The following TACSTD2 variants were observed in gnomAD, a reference collection of about 807,000 sequenced individuals.
TACSTD2 encodes tumor-associated calcium signal transducer 2.
A neutral mutation model predicts 7.9 loss-of-function variants in TACSTD2; 6 were observed. The ratio of observed to expected loss-of-function variants is 0.76; its 90% confidence interval spans 0.42 to 1.50. The LOEUF (loss-of-function observed/expected upper bound fraction) is 1.50. Ranked by LOEUF, TACSTD2 falls within the 40% of genes most tolerant of loss-of-function variation. The pLI is 0.01. For missense variants in TACSTD2, 511 were observed against 471.2 expected (o/e 1.08, Z -0.78); for synonymous variants, 220 against 225.5 (o/e 0.98, Z 0.22).
At position 58,576,191 on chromosome 1, in the gene TACSTD2, G is replaced by T; in HGVS notation, c.966C>A (p.Ser322Arg). Residue 322 changes from serine to arginine, a missense_variant, in exon 1 of 1, where the codon AGC (serine) becomes AGA (arginine). Ser to Arg is a moderately radical substitution (Grantham distance 110, BLOSUM62 -1). Transcript: ENST00000371225. The stretch of plus-strand genomic sequence containing the variant: ...CCCCTGCCCCGCCGGGTACCTACAA[G>T]CTCGGTTCCTTTCTCAACTCCCCCA... ...KELGELRKEP[S>R]L 6.2e-7 allele frequency: 1 copy of T among 1,613,978 alleles called. No individual in the cohort carries two copies. Among genetic ancestry groups the T allele is most frequent in the Non-Finnish European group, 8.5e-7 (1 of 1,179,994 alleles).
In TACSTD2 at chr1:58,576,824, CTCGGGGTCGCAG is replaced by C; in HGVS notation, c.321_332del (p.Asp107_Pro110del). 6.3e-7 allele frequency: 1 copy of C among 1,595,982 alleles called. No individual in the cohort carries two copies. The highest frequency in any genetic ancestry group is 8.5e-7 in the Non-Finnish European group (1 of 1,177,770). On this transcript the variant is annotated inframe_deletion, in exon 1 of 1. Coordinates refer to ENST00000371225, the MANE Select transcript of TACSTD2 (RefSeq NM_002353.3). ...TGCACTGGCGCGCCTTGAAGCGGCC[CTCGGGGTCGCAG>C]TCGGGGTCGTAGAGGCCATCGTTGT... is the stretch of plus-strand genomic sequence containing the variant.
In TACSTD2 at chr1:58,576,582, G is replaced by A. The variant is rs761334700; in HGVS notation, c.575C>T (p.Ala192Val). The change falls in exon 1 of 1, where the codon GCG becomes GTG. Residue 192 changes from alanine to valine, a missense_variant. Coordinates refer to ENST00000371225, the MANE Select transcript of TACSTD2 (RefSeq NM_002353.3). ...ERYRLHPKFV[A>V]AVHYEQPTIQ... The stretch of plus-strand genomic sequence containing the variant: ...GGTGGGCTGCTCGTAGTGCACGGCC[G>A]CCACGAACTTGGGGTGCAGCCGATA... 1.6e-5 allele frequency: 26 copies of A among 1,612,020 alleles called. No individual in the cohort carries two copies. In the African/African-American group the frequency reaches 2.3e-4, roughly 14 times the overall value.
Position 58,577,090 on chromosome 1 carries a change from C to G in TACSTD2, c.67G>C (p.Ala23Pro). Residue 23 changes from alanine to proline, a missense_variant, in exon 1 of 1, where the codon GCG becomes CCG. Coordinates refer to ENST00000371225, the MANE Select transcript of TACSTD2 (RefSeq NM_002353.3). ...TGCGCGGCCGTGTGGCCGGTCACCG[C>G]CGCCAGCACCAGCAGCAGCAGCGGC... ...RLPLLLLVLA[A>P]VTGHTAAQDN... 1 of 1,466,250 alleles carries G rather than the reference C, an allele frequency of 6.8e-7. No homozygotes were observed. Among genetic ancestry groups the G allele is most frequent in the African/African-American group, 1.5e-5 (1 of 67,516 alleles). 90.8% of individuals were successfully genotyped at this position (1,466,250 alleles called of 1,614,324 possible).
Position 58,576,615 on chromosome 1 carries a change from C to T in TACSTD2, c.542G>A (p.Arg181His), listed in dbSNP as rs201655334. Reference sequence around the variant, plus strand: ...CTTGGGGTGCAGCCGATAGCGCTCGCGGAAGAGCCGCCTCAGCTCGGCGTC... The same window carrying T: ...CTTGGGGTGCAGCCGATAGCGCTCGTGGAAGAGCCGCCTCAGCTCGGCGTC... ...DLDAELRRLFRERYRLHPKFV... is the reference protein window; with the variant it reads ...DLDAELRRLFHERYRLHPKFV... The change falls in exon 1 of 1, where the codon CGC becomes CAC. Residue 181 changes from arginine to histidine, a missense_variant. By Grantham distance (29) the Arg-to-His change is conservative (BLOSUM62 0). Coordinates refer to ENST00000371225, the MANE Select transcript of TACSTD2 (RefSeq NM_002353.3). 5.7e-5 allele frequency: 92 copies of T among 1,611,386 alleles called. No homozygotes were observed. The highest frequency in any genetic ancestry group is 5.2e-4 in the African/African-American group (39 of 74,982).
At position 58,576,504 on chromosome 1, in the gene TACSTD2, T is replaced by C. The variant is rs199753056; in HGVS notation, c.653A>G (p.Asp218Gly). The change falls in exon 1 of 1, where the codon GAT becomes GGT. Residue 218 changes from aspartate (D) to glycine (G), a missense_variant. Asp to Gly is a moderately conservative substitution (Grantham distance 94, BLOSUM62 -1). Transcript: ENST00000371225. ...GAAGTAGTAGGCGGCATCGCCGATA[T>C]CCACGTCACCGGCGGCCTTCTGAGA... ...NTSQKAAGDV[D>G]IGDAAYYFER... 19 of 1,613,072 alleles carry C rather than the reference T, an allele frequency of 1.2e-5. No individual in the cohort carries two copies. Among genetic ancestry groups the C allele is most frequent in the Admixed American group, 8.3e-5 (5 of 59,948 alleles).
At position 58,576,685 on chromosome 1, in the gene TACSTD2, G is replaced by C; in HGVS notation, c.472C>G (p.Leu158Val). 3.1e-6 allele frequency: 5 copies of C among 1,602,052 alleles called. No individual in the cohort carries two copies. The highest frequency in any genetic ancestry group is 4.2e-6 in the Non-Finnish European group (5 of 1,178,208). ...GCGCCGGCGGTGGGGCGGTGGCGCA[G>C]GTCAATGAGGATGTGGTGGGTGCGC... Reference protein sequence around the residue: ...LVRTHHILIDLRHRPTAGAFN... With the variant: ...LVRTHHILIDVRHRPTAGAFN... The change falls in exon 1 of 1, where the codon CTG becomes GTG. Residue 158 changes from leucine (L) to valine (V), a missense_variant. Coordinates refer to ENST00000371225, the MANE Select transcript of TACSTD2 (RefSeq NM_002353.3).
At position 58,576,309 on chromosome 1, in the gene TACSTD2, A is replaced by C; in HGVS notation, c.848T>G (p.Val283Gly). Residue 283 changes from valine (V) to glycine (G), a missense_variant, in exon 1 of 1, where the codon GTG (valine) becomes GGG (glycine). By Grantham distance (109) the Val-to-Gly change is moderately radical. Transcript: ENST00000371225. ...LTAGLIAVIVVVVVALVAGMA... is the reference protein window; with the variant it reads ...LTAGLIAVIVGVVVALVAGMA... ...GCCGGCGACGAGGGCCACCACGACC[A>C]CCACGATGACGGCGATGAGGCCGGC... 6.2e-7 allele frequency: 1 copy of C among 1,613,442 alleles called. No homozygotes were observed. Among genetic ancestry groups the C allele is most frequent in the Non-Finnish European group, 8.5e-7 (1 of 1,179,672 alleles).
In TACSTD2 at chr1:58,576,377, G is replaced by T; in HGVS notation, c.780C>A (p.Tyr260Ter). Reference protein sequence around the residue: ...PLQVERTLIYYLDEIPPKFSM... With the variant: ...PLQVERTLIY The stretch of plus-strand genomic sequence containing the variant: ...AGAACTTCGGGGGAATCTCGTCCAG[G>T]TAATAGATGAGCGTGCGCTCCACCT... The change falls in exon 1 of 1, where the codon TAC becomes TAA. Residue 260 changes from tyrosine to a stop codon, truncating the protein, a stop_gained. Transcript: ENST00000371225. LOFTEE classifies it high-confidence loss of function. The T allele has an allele frequency of 6.2e-7, 1 of 1,613,318 alleles. No homozygotes were observed. Among genetic ancestry groups the T allele is most frequent in the Non-Finnish European group, 8.5e-7 (1 of 1,179,720 alleles).
Position 58,576,069 on chromosome 1 carries a change from G to A in TACSTD2, c.*116C>T. On this transcript the variant is annotated 3_prime_UTR_variant, in exon 1 of 1. Coordinates refer to ENST00000371225, the MANE Select transcript of TACSTD2 (RefSeq NM_002353.3). The stretch of plus-strand genomic sequence containing the variant: ...TGCGCAAAAGGGAGGGGGAAGGCAG[G>A]AATTTGAAAGGATAAACGTCTCCTT... The A allele has an allele frequency of 3.8e-6, 5 of 1,314,542 alleles. No homozygotes were observed. Among genetic ancestry groups the A allele is most frequent in the Non-Finnish European group, 5.1e-6 (5 of 972,316 alleles). The allele number at this position is 1,314,542 out of a possible 1,614,324, so 81.4% of individuals were successfully genotyped here. A position where few individuals can be genotyped will look rare whatever the true frequency, so the allele number is the denominator to read the frequency against.
At position 58,576,527 on chromosome 1, in the gene TACSTD2, A is replaced by G. The variant is rs754111888; in HGVS notation, c.630T>C (p.Ser210=). ...TIQIELRQNT[S]QKAAGDVDIG... ...TATCCACGTCACCGGCGGCCTTCTG[A>G]GACGTGTTCTGCCGCAGCTCGATCT... The change falls in exon 1 of 1, where the codon TCT becomes TCC. Residue 210 remains serine (S), a synonymous_variant. Coordinates refer to ENST00000371225, the MANE Select transcript of TACSTD2 (RefSeq NM_002353.3). The G allele has an allele frequency of 1.2e-6, 2 of 1,612,290 alleles. No homozygotes were observed. The highest frequency in any genetic ancestry group is 3.3e-5 in the Admixed American group (2 of 59,880).
At position 58,575,900 on chromosome 1, in the gene TACSTD2, A is replaced by T. The variant is rs1331296331; in HGVS notation, c.*285T>A. On this transcript the variant is annotated 3_prime_UTR_variant, in exon 1 of 1. Coordinates refer to ENST00000371225, the MANE Select transcript of TACSTD2 (RefSeq NM_002353.3). ...TACAGATACTTGTTTTTTACACATA[A>T]CGCTATGCCATCCCTTCCTTCACTG... The T allele has an allele frequency of 6.4e-6, 3 of 471,454 alleles. No homozygotes were observed. The highest frequency in any genetic ancestry group is 1.1e-5 in the Non-Finnish European group (3 of 264,486). 29.2% of individuals were successfully genotyped at this position (471,454 alleles called of 1,614,324 possible). A position where few individuals can be genotyped will look rare whatever the true frequency, so the allele number is the denominator to read the frequency against.
Position 58,577,086 on chromosome 1 carries a change from A to G in TACSTD2, c.71T>C (p.Val24Ala), listed in dbSNP as rs1236888885. 3 of 1,470,012 alleles carry G rather than the reference A, an allele frequency of 2.0e-6. No homozygotes were observed. The highest frequency in any genetic ancestry group is 2.7e-6 in the Non-Finnish European group (3 of 1,119,698). The allele number at this position is 1,470,012 out of a possible 1,614,324, so 91.1% of individuals were successfully genotyped here. A position where few individuals can be genotyped will look rare whatever the true frequency, so the allele number is the denominator to read the frequency against. The change falls in exon 1 of 1, where the codon GTG becomes GCG. Residue 24 changes from valine (V) to alanine (A), a missense_variant. Physicochemically the swap from Val to Ala is moderately conservative, Grantham distance 64. Transcript: ENST00000371225. ...LPLLLLVLAA[V>A]TGHTAAQDNC... The stretch of plus-strand genomic sequence containing the variant: ...GTCCTGCGCGGCCGTGTGGCCGGTC[A>G]CCGCCGCCAGCACCAGCAGCAGCAG...
chr1:58,576,184 C>A lies in TACSTD2; in HGVS notation c.*1G>T. On this transcript the variant is annotated 3_prime_UTR_variant, in exon 1 of 1. Coordinates refer to ENST00000371225, the MANE Select transcript of TACSTD2 (RefSeq NM_002353.3). ...ACCCCATCCCCTGCCCCGCCGGGTA[C>A]CTACAAGCTCGGTTCCTTTCTCAAC... The A allele has an allele frequency of 6.2e-7, 1 of 1,613,870 alleles. No individual in the cohort carries two copies. The highest frequency in any genetic ancestry group is 8.5e-7 in the Non-Finnish European group (1 of 1,179,948).
chr1:58,576,221 C>G lies in TACSTD2; in HGVS notation c.936G>C (p.Lys312Asn). 2 of 1,614,214 alleles carry G rather than the reference C, an allele frequency of 1.2e-6. No individual in the cohort carries two copies. The highest frequency in any genetic ancestry group is 1.7e-6 in the Non-Finnish European group (2 of 1,180,038). ...GTTCCTTTCTCAACTCCCCCAGTTC[C>G]TTGATCTCCACCTTCTTGTACTTCC... ...KSGKYKKVEI[K>N]ELGELRKEPS... Residue 312 changes from lysine to asparagine, a missense_variant, in exon 1 of 1, where the codon AAG (lysine) becomes AAC (asparagine). Physicochemically the swap from Lys to Asn is moderately conservative, Grantham distance 94 (BLOSUM62 0). Transcript: ENST00000371225.
chr1:58,577,109 C>T lies in TACSTD2; in HGVS notation c.48G>A (p.Leu16=). 7.0e-7 allele frequency: 1 copy of T among 1,436,440 alleles called. No individual in the cohort carries two copies. The highest frequency in any genetic ancestry group is 9.0e-7 in the Non-Finnish European group (1 of 1,105,132). The allele number at this position is 1,436,440 out of a possible 1,614,324, so 89.0% of individuals were successfully genotyped here. ...TCACCGCCGCCAGCACCAGCAGCAG[C>T]AGCGGCAGCCGCAGCGGTGGCGGCG... ...GLAPPPLRLP[L]LLLVLAAVTG... Residue 16 remains leucine (L), a synonymous_variant, in exon 1 of 1, where the codon CTG becomes CTA. Coordinates refer to ENST00000371225, the MANE Select transcript of TACSTD2 (RefSeq NM_002353.3).
Position 58,576,608 on chromosome 1 carries a change from G to T in TACSTD2, c.549C>A (p.Arg183=), listed in dbSNP as rs1310858243. ...CCACGAACTTGGGGTGCAGCCGATAGCGCTCGCGGAAGAGCCGCCTCAGCT... is the reference window on the plus strand; with the variant it reads ...CCACGAACTTGGGGTGCAGCCGATATCGCTCGCGGAAGAGCCGCCTCAGCT... The part of the protein sequence containing the change: ...DAELRRLFRE[R]YRLHPKFVAA... Residue 183 remains arginine, a synonymous_variant, in exon 1 of 1, where the codon CGC becomes CGA. Coordinates refer to ENST00000371225, the MANE Select transcript of TACSTD2 (RefSeq NM_002353.3). 1.2e-6 allele frequency: 2 copies of T among 1,611,960 alleles called. No homozygotes were observed. The highest frequency in any genetic ancestry group is 8.5e-7 in the Non-Finnish European group (1 of 1,179,410).
rs754164911 is a variant in TACSTD2, at chr1:58,576,594, G to C, written c.563C>G (p.Pro188Arg). ...GTAGTGCACGGCCGCCACGAACTTG[G>C]GGTGCAGCCGATAGCGCTCGCGGAA... ...RLFRERYRLH[P>R]KFVAAVHYEQ... Residue 188 changes from proline (P) to arginine (R), a missense_variant, in exon 1 of 1, where the codon CCC becomes CGC. By Grantham distance (103) the Pro-to-Arg change is moderately radical. Coordinates refer to ENST00000371225, the MANE Select transcript of TACSTD2 (RefSeq NM_002353.3). 1 of 1,612,374 alleles carries C rather than the reference G, an allele frequency of 6.2e-7. No homozygotes were observed. The highest frequency in any genetic ancestry group is 1.1e-5 in the South Asian group (1 of 90,954).
rs746063377 is a variant in TACSTD2, at chr1:58,576,390, G to T, written c.767C>A (p.Thr256Lys). 6.2e-6 allele frequency: 10 copies of T among 1,613,340 alleles called. No individual in the cohort carries two copies. The Admixed American group carries it at 1.0e-4, about 16-fold the overall frequency. The change falls in exon 1 of 1, where the codon ACG becomes AAG. Residue 256 changes from threonine (T) to lysine (K), a missense_variant. Coordinates refer to ENST00000371225, the MANE Select transcript of TACSTD2 (RefSeq NM_002353.3). Reference sequence around the variant, plus strand: ...AATCTCGTCCAGGTAATAGATGAGCGTGCGCTCCACCTGCAGGGGTTCTCC... The same window carrying T: ...AATCTCGTCCAGGTAATAGATGAGCTTGCGCTCCACCTGCAGGGGTTCTCC... ...VRGEPLQVER[T>K]LIYYLDEIPP...
At position 58,576,036 on chromosome 1, in the gene TACSTD2, C is replaced by T; in HGVS notation, c.*149G>A. ...ACCCTGAGGCCAGGATCTATTAAAC[C>T]TGGTGTGTGCGCAAAAGGGAGGGGG... is the stretch of plus-strand genomic sequence containing the variant. On this transcript the variant is annotated 3_prime_UTR_variant, in exon 1 of 1. Coordinates refer to ENST00000371225, the MANE Select transcript of TACSTD2 (RefSeq NM_002353.3). 1 of 950,536 alleles carries T rather than the reference C, an allele frequency of 1.1e-6. No individual in the cohort carries two copies. The highest frequency in any genetic ancestry group is 1.7e-5 in the South Asian group (1 of 57,854). 58.9% of individuals were successfully genotyped at this position (950,536 alleles called of 1,614,324 possible). A position where few individuals can be genotyped will look rare whatever the true frequency, so the allele number is the denominator to read the frequency against.
Sources: allele counts gnomAD v4.1 joint callset, GRCh38; gene constraint gnomAD v4.1.1; transcripts MANE v1.5; gene names NCBI Gene and HGNC (gene_info 2026-07-23, HGNC 2026-07-21).